GPC3: variants seen among roughly 807,000 people sequenced by gnomAD.
GPC3 encodes glypican-3.
A neutral mutation model predicts 34.4 loss-of-function variants in GPC3; 3 were observed. The ratio of observed to expected loss-of-function variants is 0.09; its 90% CI spans 0.04 to 0.23. The LOEUF (loss-of-function observed/expected upper bound fraction) is 0.23, where lower values mean the gene tolerates loss of function less well. Among genes scored for constraint, GPC3 ranks in the 10% least tolerant of loss-of-function variants. The probability of loss-of-function intolerance (pLI) is 1.00; values close to 1 mark genes in which losing one functional copy is unlikely to be tolerated. For synonymous variants in GPC3, 177 were observed against 174.0 expected (o/e 1.02, Z -0.13); for missense variants, 351 against 445.6 (o/e 0.79, Z 1.91).
chrX:133,807,343 C>A (rs1310191735), intron 2 of GPC3, among the ~76,000 whole-genome samples: 1 of 111,927 alleles, frequency 8.9e-6, no homozygotes, highest in Non-Finnish European at 1.9e-5. Context: ...GAGGTCCTCA[C>A]CAGAAGCAGA....
At chrX:133,850,194 G>GGGTTTTTTTTT (rs2075866454) in intron 2 of GPC3, among the ~76,000 whole-genome samples, 1 of 68,008 alleles carries the variant, frequency 1.5e-5, no homozygotes, top group African/African-American at 5.7e-5. Context: ...TTTGGGTTTT[G>GGGTTTTTTTTT]TTTTTTTTTT....
chrX:133,901,534 G>A (rs1396402843), intron 2 of GPC3, among the ~76,000 whole-genome samples: 2 of 111,003 alleles, frequency 1.8e-5, no homozygotes, highest in Admixed American at 9.6e-5. Context: ...TCCACCTCCC[G>A]GGTTCAAGCG....
chrX:133,669,711 A>G (rs1407169410), intron 5 of GPC3, among the ~76,000 whole-genome samples: 2 of 112,420 alleles, frequency 1.8e-5, no homozygotes, highest in Non-Finnish European at 3.8e-5. Context: ...AGGCTTTGAC[A>G]TGGTTCTGGC....
chrX:133,863,845 C>T (rs1035890075), intron 2 of GPC3, among the ~76,000 whole-genome samples: 9 of 102,164 alleles, frequency 8.8e-5, no homozygotes, highest in African/African-American at 2.6e-4. Context: ...TTAGTAGAGA[C>T]GGGGTTTCAC....
At chrX:133,879,315 G>A (rs949620260) in intron 2 of GPC3, among the ~76,000 whole-genome samples, 2 of 110,810 alleles carry the variant, frequency 1.8e-5, no homozygotes, top group Non-Finnish European at 3.8e-5. Flanking sequence ...TCCACAGAGC[G>A]CAGTTAGGGT....
intron 4 of GPC3, among the ~76,000 whole-genome samples, chrX:133,699,579 C>T (rs2071147434): frequency 8.9e-6 from 1 of 112,074 alleles, no homozygotes; most frequent in Non-Finnish European, 1.9e-5. Flanking sequence ...AGCTACAAAG[C>T]AAGCCAAGGA....
chrX:133,875,014 A>T (rs1157164338), intron 2 of GPC3, among the ~76,000 whole-genome samples: 2 of 112,403 alleles, frequency 1.8e-5, no homozygotes, highest in Non-Finnish European at 3.8e-5. Context: ...ATCACTGGCT[A>T]GTGGAGTGTC....
At chrX:133,793,488 G>A (rs1480262610) in intron 2 of GPC3, among the ~76,000 whole-genome samples, 1 of 111,651 alleles carries the variant, frequency 9.0e-6, no homozygotes, top group Admixed American at 9.5e-5. Context: ...CTCTTAGTAA[G>A]TGTACTCCAA....
chrX:133,616,633 T>G (rs1279594470), intron 6 of GPC3, among the ~76,000 whole-genome samples: 1 of 110,982 alleles, frequency 9.0e-6, no homozygotes, highest in Non-Finnish European at 1.9e-5. Flanking sequence ...TGTACTGTAC[T>G]TAGTTCAGGG....
At chrX:133,810,605 T>C (rs1603252026) in intron 2 of GPC3, among the ~76,000 whole-genome samples, 2 of 111,024 alleles carry the variant, frequency 1.8e-5, no homozygotes, top group Admixed American at 1.9e-4. Context: ...GCACGGGAAG[T>C]AGTTGAAAGA....
intron 2 of GPC3, among the ~76,000 whole-genome samples, chrX:133,823,128 C>CAAAAAAAA (rs34231185): frequency 5.3e-4 from 10 of 18,869 alleles, no homozygotes; most frequent in African/African-American, 1.9e-3. Flanking sequence ...GACTCCGTCT[C>CAAAAAAAA]AAAAAAAAAA....
At chrX:133,656,507 C>T (rs765626973) in intron 6 of GPC3, among the ~76,000 whole-genome samples, 1 of 111,869 alleles carries the variant, frequency 8.9e-6, no homozygotes, top group Admixed American at 9.5e-5. Flanking sequence ...GCTTTCCTCT[C>T]TGAGTGGTTA....
chrX:133,982,574 T>C (rs2076545761), intron 1 of GPC3, among the ~76,000 whole-genome samples: 1 of 112,288 alleles, frequency 8.9e-6, no homozygotes, highest in Non-Finnish European at 1.9e-5. Context: ...GTCTCATCCA[T>C]ATTAGCATAA....
intron 6 of GPC3, among the ~76,000 whole-genome samples, chrX:133,654,710 T>TCAAAAAA (rs754530020): frequency 3.9e-5 from 4 of 103,245 alleles, no homozygotes; most frequent in African/African-American, 8.3e-5. Context: ...AGACTCCGTC[T>TCAAAAAA]CAAAAAACAA....
intron 7 of GPC3, among the ~76,000 whole-genome samples, chrX:133,554,750 C>A (rs1366029501): frequency 8.9e-6 from 1 of 111,750 alleles, no homozygotes; most frequent in African/African-American, 3.3e-5. Context: ...GTGGTCCAAC[C>A]CTAGCCAGTA....
At chrX:133,771,339 C>A (rs984585499) in intron 2 of GPC3, among the ~76,000 whole-genome samples, 1 of 112,566 alleles carries the variant, frequency 8.9e-6, no homozygotes, top group African/African-American at 3.2e-5. Flanking sequence ...AACAAAATCT[C>A]TAAAATACAA....
intron 6 of GPC3, among the ~76,000 whole-genome samples, chrX:133,624,919 A>C (rs2070282852): frequency 8.9e-6 from 1 of 111,859 alleles, no homozygotes; most frequent in African/African-American, 3.3e-5. Context: ...ATCCTCACTA[A>C]AATACTGGCA....
At chrX:133,877,375 C>T (rs2076021358) in intron 2 of GPC3, among the ~76,000 whole-genome samples, 1 of 111,784 alleles carries the variant, frequency 8.9e-6, no homozygotes, top group African/African-American at 3.2e-5. Context: ...TAAGTAATAT[C>T]ATCATGTGAC....
At chrX:133,971,214 T>G (rs2076491593) in intron 1 of GPC3, among the ~76,000 whole-genome samples, 1 of 112,590 alleles carries the variant, frequency 8.9e-6, no homozygotes, top group Non-Finnish European at 1.9e-5. Context: ...GTAAACTACA[T>G]AGCAATGATC....
Sources: allele counts gnomAD v4.1 joint callset (sites outside exome capture counted in the v4.1 genomes callset), GRCh38; gene constraint gnomAD v4.1.1; transcripts MANE v1.5; gene names NCBI Gene and HGNC (gene_info 2026-07-23, HGNC 2026-07-21).